The following EYS variants were observed in gnomAD, a reference collection of about 807,000 sequenced individuals.
EYS encodes EGF-like photoreceptor maintenance factor.
EYS carries 250 observed loss-of-function variants against 282.1 expected under a neutral mutation model. That is an observed-to-expected ratio of 0.89 (90% CI 0.80 to 0.98). EYS has a LOEUF of 0.98. EYS is among the 50% of genes least tolerant of loss of function. EYS has a pLI of 0.00. For synonymous variants in EYS, 1,355 were observed against 1,282.9 expected, an observed-to-expected ratio of 1.06 and a Z score of -1.20; for missense variants, 4,016 against 3,709.0, an observed-to-expected ratio of 1.08 and a Z score of -2.15.
At chr6:64,162,579 G>A (rs1436854864) in intron 31 of EYS, among the ~76,000 whole-genome samples, 5 of 152,044 alleles carry the variant, frequency 3.3e-5, no homozygotes, top group Admixed American at 6.6e-5. Flanking sequence ...TGGTGAAAGC[G>A]CAATGGTTTA....
At chr6:64,743,373 T>C (rs558309385) in intron 22 of EYS, among the ~76,000 whole-genome samples, 1 of 152,232 alleles carries the variant, frequency 6.6e-6, no homozygotes, top group East Asian at 1.9e-4. Flanking sequence ...AACCACATAA[T>C]TGCTACAATT....
Position 65,028,976 on chromosome 6 carries a change from T to C in EYS, c.2137+28638A>G, listed in dbSNP as rs1461235219. ...ATACATTTATATAAGAATTGAATCA[T>C]CAGTTATTATATTATTCAGTGAATT... On this transcript the variant is annotated intron_variant, in intron 13 of 42. Transcript: ENST00000503581. Among the ~76,000 whole-genome samples, 6 of 152,288 alleles carry C rather than the reference T, an allele frequency of 3.9e-5. 1 individual carries two copies. The South Asian group carries it at 1.0e-3, about 26-fold the overall frequency.
At chr6:64,306,789 T>C (rs562010808) in intron 30 of EYS, among the ~76,000 whole-genome samples, 181 bp downstream of exon 30, 7 of 152,262 alleles carry the variant, frequency 4.6e-5, no homozygotes, top group African/African-American at 1.7e-4. Flanking sequence ...TCCATCTTAA[T>C]TGGGATATAA....
At chr6:65,578,120 T>C (rs1360113983) in intron 2 of EYS, among the ~76,000 whole-genome samples, 1 of 151,888 alleles carries the variant, frequency 6.6e-6, no homozygotes, top group East Asian at 1.9e-4. Context: ...AAGAGATATG[T>C]CTACACTGCA....
chr6:64,418,411 A>T (rs1051090392), intron 28 of EYS, among the ~76,000 whole-genome samples: 1 of 152,146 alleles, frequency 6.6e-6, no homozygotes, highest in Non-Finnish European at 1.5e-5. Flanking sequence ...CACTAAAGTG[A>T]GTTTTTTCTT....
At chr6:65,178,517 T>C (rs1333935777) in intron 12 of EYS, among the ~76,000 whole-genome samples, 1 of 151,990 alleles carries the variant, frequency 6.6e-6, no homozygotes, top group Non-Finnish European at 1.5e-5. Context: ...CTAACTATCC[T>C]AAATATATAT....
chr6:64,260,911 AG>A (rs1767563742), intron 30 of EYS, among the ~76,000 whole-genome samples: 2 of 151,916 alleles, frequency 1.3e-5, no homozygotes, highest in South Asian at 4.1e-4. Context: ...GATACATAAT[AG>A]GTATATATAT....
In EYS at chr6:65,615,398, ATATG is replaced by A. The variant is rs942986739; in HGVS notation, c.-333+24376_-333+24379del. Among the ~76,000 whole-genome samples, 31 of 146,900 alleles carry A rather than the reference ATATG, an allele frequency of 2.1e-4. No individual in the cohort carries two copies. The East Asian group carries it at 4.0e-3, about 19-fold the overall frequency. ...TCATTTTATTTATTTATATATATATATATGTGTGTGTATATATAAATATATATAT... is the reference window on the plus strand; with the variant it reads ...TCATTTTATTTATTTATATATATATATGTGTGTATATATAAATATATATAT... On this transcript the variant is annotated intron_variant, in intron 2 of 42. Transcript: ENST00000503581.
At chr6:64,231,664 T>A (rs1766430450) in intron 30 of EYS, among the ~76,000 whole-genome samples, 2 of 152,206 alleles carry the variant, frequency 1.3e-5, no homozygotes, top group Admixed American at 1.3e-4. Flanking sequence ...TGTAGTATAG[T>A]TATTTTGTGT....
intron 14 of EYS, among the ~76,000 whole-genome samples, chr6:64,992,579 A>C (rs565890270): frequency 2.8e-3 from 423 of 152,048 alleles, no homozygotes; most frequent in Non-Finnish European, 4.4e-3. Flanking sequence ...GTCACACTCC[A>C]AAGTATCTGA....
chr6:65,619,486 A>C (rs2149800775), intron 2 of EYS, among the ~76,000 whole-genome samples: 1 of 152,344 alleles, frequency 6.6e-6, no homozygotes, highest in South Asian at 2.1e-4. Context: ...ATATACAATC[A>C]TGTCATCTGC....
chr6:64,950,834 T>TATATATATATATATATATATATATA (rs1491182951), intron 14 of EYS, among the ~76,000 whole-genome samples: 1 of 81,200 alleles, frequency 1.2e-5, no homozygotes, highest in African/African-American at 4.5e-5. Flanking sequence ...TATATATATA[T>TATATATATATATATATATATATATA]TGTTGAATTG....
chr6:64,509,897 G>A (rs1409451430), intron 26 of EYS, among the ~76,000 whole-genome samples: 3 of 152,152 alleles, frequency 2.0e-5, no homozygotes, highest in African/African-American at 7.2e-5. Context: ...ATGGTTGTAT[G>A]TTAATTCCTC....
At chr6:63,926,274 C>T (rs1489454859) in intron 35 of EYS, among the ~76,000 whole-genome samples, 2 of 152,194 alleles carry the variant, frequency 1.3e-5, no homozygotes, top group Non-Finnish European at 2.9e-5. Context: ...ATGATAGAAT[C>T]CCTACCACAT....
intron 21 of EYS, among the ~76,000 whole-genome samples, chr6:64,818,326 A>G (rs1764800555): frequency 6.6e-6 from 1 of 152,120 alleles, no homozygotes. Context: ...CATTAATTCT[A>G]ATTTTTAAAG....
In EYS at chr6:65,218,358, A is replaced by G. The variant is rs186252729; in HGVS notation, c.2023+77505T>C. 3.6e-3 allele frequency among the ~76,000 whole-genome samples: 541 copies of G among 152,274 alleles called. 5 individuals carry two copies. Among genetic ancestry groups the G allele is most frequent in the South Asian group, 0.03 (146 of 4,828 alleles). ...TATTGGCATGCAGATGGTATGAAGC[A>G]TATTTGATGCTAACATTTTTTCTTT... is the stretch of plus-strand genomic sequence containing the variant. On this transcript the variant is annotated intron_variant, in intron 12 of 42. Coordinates refer to ENST00000503581, the MANE Select transcript of EYS (RefSeq NM_001142800.2).
intron 24 of EYS, among the ~76,000 whole-genome samples, chr6:64,602,082 C>A (rs1766779512): frequency 6.6e-6 from 1 of 151,998 alleles, no homozygotes; most frequent in Non-Finnish European, 1.5e-5. Context: ...TTTTTCTTTT[C>A]CTTCTGACTA....
intron 1 of EYS, among the ~76,000 whole-genome samples, chr6:65,686,384 C>A (rs541588901): frequency 6.6e-6 from 1 of 151,994 alleles, no homozygotes; most frequent in South Asian, 2.1e-4. Flanking sequence ...TATTACAATG[C>A]CATTTTTTAG....
chr6:64,359,844 G>C (rs1057290614), intron 29 of EYS, among the ~76,000 whole-genome samples: 2 of 151,574 alleles, frequency 1.3e-5, no homozygotes, highest in African/African-American at 2.4e-5. Context: ...GTCACATTGG[G>C]GATTAGGGCT....
Sources: gnomAD v4.1 joint callset for allele counts (sites outside exome capture counted in the v4.1 genomes callset) on GRCh38, gnomAD v4.1.1 for gene constraint, MANE v1.5 for transcripts, NCBI Gene and HGNC (gene_info 2026-07-23, HGNC 2026-07-21) for gene names.